The following NBEA variants were observed in gnomAD, a reference collection of about 807,000 sequenced individuals.
NBEA encodes neurobeachin.
A neutral mutation model predicts 343.4 loss-of-function variants in NBEA; 44 were observed. That is an observed-to-expected ratio of 0.13 (90% confidence interval 0.10 to 0.16). The LOEUF is 0.16. Ranked by LOEUF, NBEA falls within the 10% of genes least tolerant of loss-of-function variation. NBEA has a pLI of 1.00. For missense variants in NBEA, 2,555 were observed against 3,631.3 expected (o/e 0.70, Z 7.62); for synonymous variants, 1,175 against 1,238.7 (o/e 0.95, Z 1.08).
At chr13:35,070,166 A>C in intron 9 of NBEA, 61 bp downstream of exon 9, 2 of 1,352,588 alleles carry the variant, frequency 1.5e-6, no homozygotes, top group Non-Finnish European at 1.9e-6. Flanking sequence ...TCTTTATTTT[A>C]TATATCAAAC....
At chr13:35,346,349 A>G (rs2039875299) in intron 36 of NBEA, among the ~76,000 whole-genome samples, 1 of 152,112 alleles carries the variant, frequency 6.6e-6, no homozygotes, top group South Asian at 2.1e-4. Context: ...TTCTAATATC[A>G]CATCTCTTCT....
chr13:35,503,743 A>G lies in NBEA; in HGVS notation c.6585+31207A>G, dbSNP rs148079049. Among the ~76,000 whole-genome samples the G allele has an allele frequency of 2.5e-3, 377 of 152,186 alleles. 1 individual carries two copies. Among genetic ancestry groups the G allele is most frequent in the African/African-American group, 8.6e-3 (357 of 41,548 alleles). On this transcript the variant is annotated intron_variant, in intron 41 of 58. Coordinates refer to ENST00000379939, the MANE Select transcript of NBEA (RefSeq NM_001385012.1). ...TTTGTACTAATATGTAAAATAGCAT[A>G]TTGGATTATTTATGTTATTGCTCCT...
In NBEA at chr13:35,668,349, T is replaced by G; in HGVS notation, c.8662-19T>G. The G allele has an allele frequency of 6.4e-7, 1 of 1,561,372 alleles. No individual in the cohort carries two copies. Among genetic ancestry groups the G allele is most frequent in the Non-Finnish European group, 8.7e-7 (1 of 1,154,404 alleles). On this transcript the variant is annotated intron_variant, in intron 57 of 58. Transcript: ENST00000379939. ...TTTATTTTGTTTTTTTTTGTTTGTT[T>G]GTTTTACCTTTTCTGAAGGCCATTC...
chr13:35,631,064 C>G (rs867463650), intron 49 of NBEA, among the ~76,000 whole-genome samples: 1 of 152,290 alleles, frequency 6.6e-6, no homozygotes, highest in Middle Eastern at 3.4e-3. Context: ...GAATAGTGTC[C>G]TCCAAAGGAC....
At chr13:35,395,702 T>C (rs1335054701) in intron 38 of NBEA, among the ~76,000 whole-genome samples, 1 of 152,182 alleles carries the variant, frequency 6.6e-6, no homozygotes, top group Non-Finnish European at 1.5e-5. Context: ...TACTAATATG[T>C]TTGTCTACTC....
At chr13:35,606,833 C>T (rs899981396) in intron 48 of NBEA, among the ~76,000 whole-genome samples, 2 of 152,082 alleles carry the variant, frequency 1.3e-5, no homozygotes, top group Admixed American at 1.3e-4. Context: ...TAGGAGAAGA[C>T]AATCAGATGA....
At chr13:35,270,039 C>T (rs1207973597) in intron 34 of NBEA, among the ~76,000 whole-genome samples, 2 of 152,030 alleles carry the variant, frequency 1.3e-5, no homozygotes, top group Non-Finnish European at 2.9e-5. Context: ...ATTTTGTGTC[C>T]AAAGGATACC....
At chr13:35,265,366 C>T (rs2033584523) in intron 34 of NBEA, among the ~76,000 whole-genome samples, 1 of 151,766 alleles carries the variant, frequency 6.6e-6, no homozygotes, top group South Asian at 2.1e-4. Context: ...GTAGAAAAAT[C>T]ATTTCTAAAA....
chr13:35,237,248 C>T (rs138030285), intron 34 of NBEA, among the ~76,000 whole-genome samples: 1 of 152,006 alleles, frequency 6.6e-6, no homozygotes, highest in Non-Finnish European at 1.5e-5. Context: ...GAGACCCTGT[C>T]GCTAAAAAGA....
intron 10 of NBEA, among the ~76,000 whole-genome samples, chr13:35,093,108 A>G (rs1429572823): frequency 6.6e-6 from 1 of 152,058 alleles, no homozygotes; most frequent in Non-Finnish European, 1.5e-5. Flanking sequence ...GATTCCATCT[A>G]TGTCACATTC....
At chr13:35,094,410 C>T (rs548777992) in intron 10 of NBEA, among the ~76,000 whole-genome samples, 2 of 152,144 alleles carry the variant, frequency 1.3e-5, no homozygotes, top group East Asian at 3.9e-4. Context: ...TTATTTCATT[C>T]TGCATTTACC....
chr13:35,298,818 T>C (rs1288019300), intron 35 of NBEA, among the ~76,000 whole-genome samples: 1 of 152,034 alleles, frequency 6.6e-6, no homozygotes, highest in Non-Finnish European at 1.5e-5. Context: ...TTGACTATTA[T>C]ATCGGTAATC....
rs755417810 is a variant in NBEA at position 35,349,229 on chromosome 13, G to T, written c.6012+13G>T. 6.7e-7 allele frequency: 1 copy of T among 1,492,128 alleles called. No homozygotes were observed. The highest frequency in any genetic ancestry group is 1.2e-5 in the South Asian group (1 of 81,258). The allele number at this position is 1,492,128 out of a possible 1,614,324, so 92.4% of individuals were successfully genotyped here. A position where few individuals can be genotyped will look rare whatever the true frequency, so the allele number is the denominator to read the frequency against. On this transcript the variant is annotated intron_variant, in intron 37 of 58. Coordinates refer to ENST00000379939, the MANE Select transcript of NBEA (RefSeq NM_001385012.1). Reference sequence around the variant, plus strand: ...TGCAGAGTTTGAGGTAAGGTTTTGGGAGTAGACTAAATTCTGCCTTTCTAT... The same window carrying T: ...TGCAGAGTTTGAGGTAAGGTTTTGGTAGTAGACTAAATTCTGCCTTTCTAT...
chr13:35,227,219 A>G (rs1020137010), intron 33 of NBEA, among the ~76,000 whole-genome samples: 1 of 152,030 alleles, frequency 6.6e-6, no homozygotes, highest in African/African-American at 2.4e-5. Context: ...TCAGTAGGTA[A>G]TTATGTCACA....
intron 1 of NBEA, among the ~76,000 whole-genome samples, chr13:35,036,559 C>T (rs567237532): frequency 1.3e-5 from 2 of 152,096 alleles, no homozygotes; most frequent in African/African-American, 4.8e-5. Context: ...GAAGTACCCC[C>T]TTTAGCATTT....
chr13:35,490,939 C>T (rs2076479425), intron 41 of NBEA, among the ~76,000 whole-genome samples: 1 of 151,918 alleles, frequency 6.6e-6, no homozygotes, highest in South Asian at 2.1e-4. Flanking sequence ...TATAGAACCT[C>T]TCTAAGTTTG....
chr13:35,214,801 C>A (rs2073973221), intron 33 of NBEA, among the ~76,000 whole-genome samples: 1 of 151,688 alleles, frequency 6.6e-6, no homozygotes, highest in Non-Finnish European at 1.5e-5. Flanking sequence ...ACTATATTTT[C>A]TTCTAAAATA....
chr13:35,288,158 A>G (rs1443157131), intron 34 of NBEA, among the ~76,000 whole-genome samples: 1 of 152,040 alleles, frequency 6.6e-6, no homozygotes, highest in Non-Finnish European at 1.5e-5. Flanking sequence ...CACTTGTAAA[A>G]TATTTGTCTC....
Position 35,159,038 on chromosome 13 carries a change from A to T in NBEA, c.2867A>T (p.Glu956Val). 6.2e-7 allele frequency: 1 copy of T among 1,608,318 alleles called. No homozygotes were observed. The highest frequency in any genetic ancestry group is 8.5e-7 in the Non-Finnish European group (1 of 1,177,760). The change falls in exon 22 of 59, where the codon GAA becomes GTA. Residue 956 changes from glutamate to valine, a missense_variant. By Grantham distance (121) the Glu-to-Val change is moderately radical (BLOSUM62 -2). This residue lies in a region of NBEA where 18 missense variants were observed against 21.7 expected (regional missense o/e 0.83). Coordinates refer to ENST00000379939, the MANE Select transcript of NBEA (RefSeq NM_001385012.1). ...HSKVTYEAHK[E>V]YLAKMYEEYQ... ...AAGGTCACTTATGAAGCTCATAAGG[A>T]ATACCTAGCCAAAATGTATGAGGAA...
Sources: gnomAD v4.1 joint callset for allele counts (sites outside exome capture counted in the v4.1 genomes callset) on GRCh38, gnomAD v4.1.1 for gene constraint, gnomAD v4.1.1 regional missense constraint, MANE v1.5 for transcripts, NCBI Gene and HGNC (gene_info 2026-07-23, HGNC 2026-07-21) for gene names.